NRG1: variants seen among roughly 807,000 people sequenced by gnomAD.
The protein encoded by NRG1 is neuregulin 1, also known as pro-neuregulin-1, membrane-bound isoform.
In NRG1, 18 loss-of-function variants were observed where a neutral mutation model predicts 63.8. The observed-to-expected ratio is 0.28, with a 90% CI of 0.19 to 0.42. The LOEUF (loss-of-function observed/expected upper bound fraction) is 0.42. NRG1 is among the 10% of genes least tolerant of loss of function. The probability of loss-of-function intolerance (pLI) is 1.00; values close to 1 mark genes in which losing one functional copy is unlikely to be tolerated. For missense variants in NRG1, 762 were observed against 814.7 expected (o/e 0.94, Z 0.79); for synonymous variants, 302 against 301.3 (o/e 1.00, Z -0.02).
intron 1 of NRG1, among the ~76,000 whole-genome samples, chr8:31,745,749 T>C (rs1815785468): frequency 6.6e-6 from 1 of 151,908 alleles, no homozygotes; most frequent in Admixed American, 6.6e-5. Context: ...TGAGCCAAGA[T>C]GTACTGAAGA....
At chr8:32,466,082 C>T (rs1823027338) in intron 1 of NRG1, among the ~76,000 whole-genome samples, 1 of 152,102 alleles carries the variant, frequency 6.6e-6, no homozygotes, top group Admixed American at 6.6e-5. Context: ...ATGGGCTGAT[C>T]GCTTGAGCTC....
intron 1 of NRG1, among the ~76,000 whole-genome samples, chr8:31,860,981 T>C (rs920789379): frequency 2.6e-5 from 4 of 152,212 alleles, no homozygotes; most frequent in African/African-American, 7.2e-5. Context: ...TGACTGTTTC[T>C]ACTCCACAAA....
At chr8:32,281,330 AC>A (rs1852817785) in intron 1 of NRG1, among the ~76,000 whole-genome samples, 1 of 151,490 alleles carries the variant, frequency 6.6e-6, no homozygotes, top group Admixed American at 6.6e-5. Context: ...GGCACCTGCC[AC>A]CAGGCCCCCA....
chr8:31,818,491 G>T (rs2129602809), intron 1 of NRG1, among the ~76,000 whole-genome samples: 1 of 152,278 alleles, frequency 6.6e-6, no homozygotes, highest in East Asian at 1.9e-4. Flanking sequence ...GGGGAAAGGA[G>T]ATGGTTTAGG....
intron 1 of NRG1, among the ~76,000 whole-genome samples, chr8:31,867,965 G>T (rs989649891): frequency 1.3e-5 from 2 of 152,040 alleles, no homozygotes; most frequent in African/African-American, 4.8e-5. Flanking sequence ...AACTCTCTAA[G>T]TACAATTGGT....
chr8:32,066,204 G>C (rs935850619), intron 1 of NRG1, among the ~76,000 whole-genome samples: 8 of 152,194 alleles, frequency 5.3e-5, no homozygotes, highest in Non-Finnish European at 4.4e-5. Flanking sequence ...GATCCCATTT[G>C]TCAATTTTGG....
At chr8:32,277,934 C>T (rs2129472940) in intron 1 of NRG1, among the ~76,000 whole-genome samples, 1 of 152,322 alleles carries the variant, frequency 6.6e-6, no homozygotes, top group Non-Finnish European at 1.5e-5. Flanking sequence ...CCATGCTTCC[C>T]ACAGGCTGCT....
At chr8:31,834,297 G>A (rs577495258) in intron 1 of NRG1, among the ~76,000 whole-genome samples, 3 of 34,758 alleles carry the variant, frequency 8.6e-5, no homozygotes, top group Non-Finnish European at 1.2e-4. Flanking sequence ...ATGCGTGTGC[G>A]CGCACGCGCG....
intron 1 of NRG1, among the ~76,000 whole-genome samples, chr8:32,464,621 T>C (rs1822826629): frequency 6.6e-6 from 1 of 152,156 alleles, no homozygotes; most frequent in Non-Finnish European, 1.5e-5. Context: ...CACTAACAGG[T>C]TGCATTACTT....
chr8:31,901,697 C>T (rs138398118), intron 1 of NRG1, among the ~76,000 whole-genome samples: 1 of 152,164 alleles, frequency 6.6e-6, no homozygotes, highest in Admixed American at 6.5e-5. Context: ...GTCTGGTAAA[C>T]AATCCATGAT....
chr8:32,116,679 T>C (rs559159364), intron 1 of NRG1, among the ~76,000 whole-genome samples: 1 of 152,184 alleles, frequency 6.6e-6, no homozygotes, highest in African/African-American at 2.4e-5. Context: ...TCTTACAATG[T>C]TAAGTAAGGA....
intron 1 of NRG1, among the ~76,000 whole-genome samples, chr8:32,217,366 G>A (rs1845355079): frequency 6.6e-6 from 1 of 152,080 alleles, no homozygotes; most frequent in Non-Finnish European, 1.5e-5. Context: ...TGGGAGTGAT[G>A]AGTGACCCTG....
chr8:32,641,768 C>A (rs1852441764), intron 5 of NRG1, among the ~76,000 whole-genome samples: 1 of 152,172 alleles, frequency 6.6e-6, no homozygotes, highest in Non-Finnish European at 1.5e-5. Context: ...ATTGTCTGCT[C>A]TGAGAACATT....
intron 1 of NRG1, among the ~76,000 whole-genome samples, chr8:32,270,988 T>A (rs941971671): frequency 6.6e-6 from 1 of 152,200 alleles, no homozygotes; most frequent in African/African-American, 2.4e-5. Context: ...GTAGGTCTTT[T>A]TATTTGGGGC....
At chr8:31,995,599 C>T (rs1195909314) in intron 1 of NRG1, among the ~76,000 whole-genome samples, 1 of 151,794 alleles carries the variant, frequency 6.6e-6, no homozygotes, top group Non-Finnish European at 1.5e-5. Flanking sequence ...AAGTGAGGAC[C>T]CTGGGTTATG....
chr8:32,694,877 G>C (rs915659365), intron 5 of NRG1, among the ~76,000 whole-genome samples: 19 of 152,256 alleles, frequency 1.2e-4, no homozygotes, highest in Admixed American at 1.1e-3. Context: ...GAGGGTCCAC[G>C]GGAGCTAGGA....
intron 1 of NRG1, among the ~76,000 whole-genome samples, chr8:32,440,222 C>T (rs774844980): frequency 1.3e-5 from 2 of 152,172 alleles, no homozygotes; most frequent in South Asian, 2.1e-4. Flanking sequence ...ATTCAATCAT[C>T]TCCCACCAGG....
chr8:31,770,511 G>A (rs1433608938), intron 1 of NRG1, among the ~76,000 whole-genome samples: 4 of 151,038 alleles, frequency 2.6e-5, no homozygotes, highest in Non-Finnish European at 5.9e-5. Context: ...GCAAACTATC[G>A]CAAGGACAAA....
chr8:32,044,201 G>A (rs1163450663), intron 1 of NRG1, among the ~76,000 whole-genome samples: 4 of 151,722 alleles, frequency 2.6e-5, no homozygotes, highest in African/African-American at 9.7e-5. Context: ...AAATGACTGG[G>A]AATAAAGATG....
Sources: gnomAD v4.1 joint callset for allele counts (sites outside exome capture counted in the v4.1 genomes callset) on GRCh38, gnomAD v4.1.1 for gene constraint, MANE v1.5 for transcripts, NCBI Gene and HGNC (gene_info 2026-07-23, HGNC 2026-07-21) for gene names.